The following TRMT11 variants were observed in gnomAD, a reference collection of about 807,000 sequenced individuals.
The protein encoded by TRMT11 is tRNA methyltransferase 11.
In TRMT11, 53 loss-of-function variants were observed where a neutral mutation model predicts 62.8. The observed-to-expected ratio is 0.84, with a 90% CI of 0.68 to 1.06. The LOEUF (loss-of-function observed/expected upper bound fraction) is 1.06. TRMT11 is among the 50% of genes least tolerant of loss of function. The pLI is 0.00. For missense variants in TRMT11, 556 were observed against 553.4 expected, an observed-to-expected ratio of 1.00 and a Z score of -0.05; for synonymous variants, 188 against 190.3, an observed-to-expected ratio of 0.99 and a Z score of 0.10.
chr6:126,250,588 A>C, the TRMT11 span, among the ~76,000 whole-genome samples: 2 of 152,134 alleles, frequency 1.3e-5, no homozygotes, highest in African/African-American at 4.8e-5. Context: ...AGCATCAAAA[A>C]CATTTTCTTG....
intron 16 of TRMT11, among the ~76,000 whole-genome samples, chr6:126,051,417 G>T (rs540622588): frequency 6.6e-6 from 1 of 152,074 alleles, no homozygotes. Context: ...GCAGGAAGGG[G>T]TTTGCATTTC....
chr6:126,045,745 G>C lies in TRMT11; in HGVS notation c.*1369+4900G>C, dbSNP rs920408969. Among the ~76,000 whole-genome samples, 14 of 152,246 alleles carry C rather than the reference G, an allele frequency of 9.2e-5. 1 individual carries two copies. The highest frequency in any genetic ancestry group is 6.5e-4 in the Admixed American group (10 of 15,286). ...GGGTGTACCTTCTTAGACAATAGGT[G>C]AATCATTAGAACTTTGGCTGTTTTG... On this transcript the variant is annotated intron_variant and NMD_transcript_variant, in intron 16 of 22. Transcript: ENST00000648977.
chr6:125,995,224 G>A (rs1196196519), intron 2 of TRMT11, among the ~76,000 whole-genome samples: 3 of 152,220 alleles, frequency 2.0e-5, no homozygotes, highest in Admixed American at 6.5e-5. Context: ...GTCCTGTAGT[G>A]TTGGACTTTT....
chr6:126,068,189 A>T (rs987469815), intron 17 of TRMT11, among the ~76,000 whole-genome samples: 1 of 152,068 alleles, frequency 6.6e-6, no homozygotes, highest in Non-Finnish European at 1.5e-5. Flanking sequence ...AGTTTTTAAA[A>T]AATATTCTGC....
chr6:126,115,733 C>T (rs12200681), intron 20 of TRMT11, among the ~76,000 whole-genome samples: 19,974 of 152,016 alleles, frequency 0.13, 1,999 homozygotes, highest in African/African-American at 0.29. Flanking sequence ...GGGTTTTTTT[C>T]ACCATCTAGC....
chr6:126,111,737 A>G (rs1311133050), intron 17 of TRMT11, among the ~76,000 whole-genome samples: 1 of 152,010 alleles, frequency 6.6e-6, no homozygotes, highest in Non-Finnish European at 1.5e-5. Context: ...AGAGCCACTG[A>G]CTCTATGGGG....
intron 12 of TRMT11, among the ~76,000 whole-genome samples, chr6:126,034,440 G>C (rs1774800187): frequency 6.6e-6 from 1 of 152,120 alleles, no homozygotes; most frequent in Non-Finnish European, 1.5e-5. Context: ...GCTGAATGCT[G>C]TATGTCTTCC....
intron 12 of TRMT11, among the ~76,000 whole-genome samples, chr6:126,032,768 C>CT (rs974938888): frequency 6.6e-6 from 1 of 152,128 alleles, no homozygotes; most frequent in African/African-American, 2.4e-5. Flanking sequence ...GAACTTGACT[C>CT]TTTTGCTCAC....
Position 126,130,450 on chromosome 6 carries a change from G to A in TRMT11, c.*1823+14595G>A, listed in dbSNP as rs187469608. ...AAGTTTTGCAGAGGTTAAATAACGT[G>A]CCAGCAGGCTGCCCAGCCAGAACGG... On this transcript the variant is annotated intron_variant and NMD_transcript_variant, in intron 21 of 22. Coordinates refer to the TRMT11 transcript ENST00000648977. Among the ~76,000 whole-genome samples, 9 of 152,150 alleles carry A rather than the reference G, an allele frequency of 5.9e-5. No homozygotes were observed. In the East Asian group the frequency reaches 1.5e-3, roughly 26 times the overall value.
intron 21 of TRMT11, among the ~76,000 whole-genome samples, chr6:126,135,275 A>G (rs991356431): frequency 4.6e-5 from 7 of 151,818 alleles, no homozygotes; most frequent in Non-Finnish European, 1.0e-4. Flanking sequence ...GATAAGACCC[A>G]AATAAATAAA....
At chr6:126,146,862 TAC>T (rs1777981154) in intron 21 of TRMT11, among the ~76,000 whole-genome samples, 1 of 114,900 alleles carries the variant, frequency 8.7e-6, no homozygotes, top group African/African-American at 3.4e-5. Context: ...AAGTAGTAAC[TAC>T]TGATATTACT....
intron 17 of TRMT11, among the ~76,000 whole-genome samples, chr6:126,087,550 T>G (rs1053629111): frequency 6.6e-6 from 1 of 152,244 alleles, no homozygotes; most frequent in African/African-American, 2.4e-5. Context: ...CTTCTTTGTT[T>G]TTGTTTTTCT....
At chr6:126,063,863 A>G (rs1274552011) in intron 17 of TRMT11, among the ~76,000 whole-genome samples, 6 of 152,192 alleles carry the variant, frequency 3.9e-5, no homozygotes, top group African/African-American at 1.2e-4. Context: ...TGAAGCTTGA[A>G]TGTGTCATCA....
At chr6:126,079,177 T>C (rs899790236) in intron 17 of TRMT11, among the ~76,000 whole-genome samples, 29 of 152,286 alleles carry the variant, frequency 1.9e-4, no homozygotes, top group African/African-American at 7.0e-4. Context: ...ATAGCTAAGC[T>C]CCTAATTTAT....
intron 12 of TRMT11, among the ~76,000 whole-genome samples, chr6:126,036,738 C>T (rs1477657122): frequency 6.6e-6 from 1 of 152,086 alleles, no homozygotes; most frequent in Admixed American, 6.6e-5. Flanking sequence ...ATCTTACTGA[C>T]ATAAGGACAG....
intron 17 of TRMT11, among the ~76,000 whole-genome samples, chr6:126,064,333 AC>A (rs1215580226): frequency 6.6e-6 from 1 of 152,132 alleles, no homozygotes; most frequent in Non-Finnish European, 1.5e-5. Context: ...AGCTCTGTGG[AC>A]CCCTTTAAGC....
At chr6:126,231,659 C>T in the TRMT11 span, among the ~76,000 whole-genome samples, 1 of 152,106 alleles carries the variant, frequency 6.6e-6, no homozygotes, top group South Asian at 2.1e-4. Flanking sequence ...ATTGTTGTAG[C>T]CCCTGTTATG....
downstream of TRMT11, among the ~76,000 whole-genome samples, chr6:126,042,019 A>C (rs1775893293): frequency 6.6e-6 from 1 of 152,224 alleles, no homozygotes; most frequent in African/African-American, 2.4e-5. Flanking sequence ...AAACAAAAAA[A>C]AGTGCCTTAA....
Position 125,998,327 on chromosome 6 carries a change from T to C in TRMT11, c.387+12T>C. The C allele has an allele frequency of 1.9e-6, 3 of 1,549,002 alleles. No individual in the cohort carries two copies. Among genetic ancestry groups the C allele is most frequent in the Admixed American group, 1.8e-5 (1 of 56,690 alleles). ...TCAAGCGAATAGATGTAAGTAAATT[T>C]AGCAAAACAAAAAACCTACATGATG... is the stretch of plus-strand genomic sequence containing the variant. On this transcript the variant is annotated intron_variant, in intron 5 of 12. Coordinates refer to ENST00000334379, the MANE Select transcript of TRMT11 (RefSeq NM_001031712.3).
Sources: allele counts gnomAD v4.1 joint callset (sites outside exome capture counted in the v4.1 genomes callset), GRCh38; gene constraint gnomAD v4.1.1; transcripts MANE v1.5; gene names NCBI Gene and HGNC (gene_info 2026-07-23, HGNC 2026-07-21).